The following NALF1 variants were observed in gnomAD, a reference collection of about 807,000 sequenced individuals.
NALF1 encodes the protein NALCN channel auxiliary factor 1, also known as family with sequence similarity 155 member A.
Under a neutral mutation model 48.4 loss-of-function variants are expected in NALF1, and 3 were observed. The observed-to-expected ratio is 0.06, with a 90% CI of 0.03 to 0.16. NALF1 has a LOEUF of 0.16. Ranked by LOEUF, NALF1 falls within the 10% of genes least tolerant of loss-of-function variation. The pLI, the probability that NALF1 is intolerant of heterozygous loss-of-function variation, is 1.00. For synonymous variants in NALF1, 262 were observed against 245.7 expected (o/e 1.07, Z -0.62); for missense variants, 526 against 571.5 (o/e 0.92, Z 0.81).
intron 1 of NALF1, among the ~76,000 whole-genome samples, chr13:107,589,363 T>C (rs1878543356): frequency 6.6e-6 from 1 of 152,038 alleles, no homozygotes; most frequent in Non-Finnish European, 1.5e-5. Flanking sequence ...TTTTACCAAA[T>C]GGCAATGGCA....
At chr13:107,511,583 T>C (rs1020397331) in intron 1 of NALF1, among the ~76,000 whole-genome samples, 2 of 152,196 alleles carry the variant, frequency 1.3e-5, no homozygotes, top group African/African-American at 4.8e-5. Flanking sequence ...TGAATTAACA[T>C]GCTTTCTCAT....
chr13:107,262,769 G>GCGCGCGCTCTCTCTCT (rs36027059), intron 1 of NALF1, among the ~76,000 whole-genome samples: 3,210 of 143,982 alleles, frequency 0.022, 61 homozygotes, highest in African/African-American at 0.037. Context: ...ACCCACAGGC[G>GCGCGCGCTCTCTCTCT]CTCTCTCTCT....
chr13:107,769,250 C>T (rs11618920), intron 1 of NALF1, among the ~76,000 whole-genome samples: 61,039 of 142,902 alleles, frequency 0.43, 14,324 homozygotes, highest in East Asian at 0.73. Context: ...CGTATGTTTA[C>T]TGCAGCACTC....
At chr13:107,227,902 T>C (rs1426644722) in intron 1 of NALF1, among the ~76,000 whole-genome samples, 4 of 152,230 alleles carry the variant, frequency 2.6e-5, no homozygotes, top group Non-Finnish European at 5.9e-5. Flanking sequence ...CTAACAAGAC[T>C]TTGCTAATAA....
intron 1 of NALF1, among the ~76,000 whole-genome samples, chr13:107,543,985 T>A (rs1026534713): frequency 2.6e-5 from 4 of 152,034 alleles, no homozygotes; most frequent in Admixed American, 6.6e-5. Flanking sequence ...ACCAATTTTT[T>A]AAAAAATCTA....
chr13:107,448,566 T>C (rs774602467), intron 1 of NALF1, among the ~76,000 whole-genome samples: 7 of 152,340 alleles, frequency 4.6e-5, no homozygotes, highest in Middle Eastern at 3.4e-3. Context: ...TCCAGATTAA[T>C]GGTCATATGC....
chr13:107,258,327 C>T (rs979713805), intron 1 of NALF1, among the ~76,000 whole-genome samples: 4 of 151,966 alleles, frequency 2.6e-5, no homozygotes, highest in Non-Finnish European at 5.9e-5. Flanking sequence ...GCAAAATGAA[C>T]ATCGTTTTGT....
chr13:107,817,859 T>G (rs915615202), intron 1 of NALF1, among the ~76,000 whole-genome samples: 13 of 152,184 alleles, frequency 8.5e-5, no homozygotes, highest in Non-Finnish European at 1.9e-4. Flanking sequence ...ATTTGTTTAT[T>G]TGCATCATAG....
At chr13:107,294,326 C>T (rs538942092) in intron 1 of NALF1, among the ~76,000 whole-genome samples, 73 of 152,244 alleles carry the variant, frequency 4.8e-4, no homozygotes, top group African/African-American at 1.7e-3. Context: ...AGTGTTTTCT[C>T]CCCATTCATT....
At chr13:107,642,753 G>A (rs1261413735) in intron 1 of NALF1, among the ~76,000 whole-genome samples, 1 of 152,196 alleles carries the variant, frequency 6.6e-6, no homozygotes, top group Non-Finnish European at 1.5e-5. Flanking sequence ...TACAGTCAGT[G>A]CCTAACACTT....
chr13:107,216,060 C>T (rs1205276839), intron 1 of NALF1, among the ~76,000 whole-genome samples: 1 of 152,196 alleles, frequency 6.6e-6, no homozygotes, highest in Non-Finnish European at 1.5e-5. Flanking sequence ...TAAGCAGCTG[C>T]TCTCCCTTTT....
chr13:107,167,601 T>G lies in NALF1; in HGVS notation c.*2896A>C, dbSNP rs1594050849. On this transcript the variant is annotated 3_prime_UTR_variant, in exon 3 of 3. Coordinates refer to ENST00000375915, the MANE Select transcript of NALF1 (RefSeq NM_001080396.3). ...ATAGATGAACATGACAAAGAAAATA[T>G]TCCGCCAGAATTAGAGACTATTCCA... 1 of 152,204 alleles carries G rather than the reference T, an allele frequency of 6.6e-6. No homozygotes were observed. The highest frequency in any genetic ancestry group is 2.1e-4 in the South Asian group (1 of 4,830). The allele number at this position is 152,204 out of a possible 1,614,324, so 9.4% of individuals were successfully genotyped here.
At chr13:107,367,842 G>A (rs779224522) in intron 1 of NALF1, among the ~76,000 whole-genome samples, 4 of 152,184 alleles carry the variant, frequency 2.6e-5, no homozygotes, top group Non-Finnish European at 4.4e-5. Flanking sequence ...GGGAACTCAT[G>A]CAGACTAGTT....
intron 1 of NALF1, among the ~76,000 whole-genome samples, chr13:107,598,775 G>A (rs1442626206): frequency 6.6e-6 from 1 of 152,078 alleles, no homozygotes; most frequent in African/African-American, 2.4e-5. Flanking sequence ...TTTTATAAGA[G>A]AAGTCTTAAA....
At chr13:107,783,101 C>T (rs1234258598) in intron 1 of NALF1, among the ~76,000 whole-genome samples, 2 of 134,850 alleles carry the variant, frequency 1.5e-5, no homozygotes, top group Non-Finnish European at 1.6e-5. Flanking sequence ...CCGCCTCGTC[C>T]GGGAGGTGAG....
intron 1 of NALF1, among the ~76,000 whole-genome samples, chr13:107,790,462 C>A (rs1056369089): frequency 1.3e-5 from 2 of 152,106 alleles, no homozygotes; most frequent in Admixed American, 1.3e-4. Flanking sequence ...TAATTTAAAT[C>A]TGTTCTGTAA....
At chr13:107,441,146 A>C (rs1439303019) in intron 1 of NALF1, among the ~76,000 whole-genome samples, 1 of 152,228 alleles carries the variant, frequency 6.6e-6, no homozygotes, top group African/African-American at 2.4e-5. Context: ...GACTGACTCT[A>C]TCTCTTGCCC....
Position 107,668,392 on chromosome 13 carries a change from G to A in NALF1, c.915+197290C>T, listed in dbSNP as rs367792701. ...TTTGCTCCTGTTGTCCTGCTTGTGG[G>A]TGAGTACAGGGATCCGAAGAGCTGG... On this transcript the variant is annotated intron_variant, in intron 1 of 2. Coordinates refer to ENST00000375915, the MANE Select transcript of NALF1 (RefSeq NM_001080396.3). Among the ~76,000 whole-genome samples the A allele has an allele frequency of 3.9e-5, 6 of 151,952 alleles. No homozygotes were observed. The East Asian group carries it at 1.2e-3, about 30-fold the overall frequency.
chr13:107,792,579 T>A (rs936001001), intron 1 of NALF1, among the ~76,000 whole-genome samples: 3 of 152,192 alleles, frequency 2.0e-5, no homozygotes, highest in African/African-American at 7.2e-5. Flanking sequence ...CCACATACTC[T>A]GACATTAAAT....
Sources: allele counts gnomAD v4.1 joint callset (sites outside exome capture counted in the v4.1 genomes callset), GRCh38; gene constraint gnomAD v4.1.1; transcripts MANE v1.5; gene names NCBI Gene and HGNC (gene_info 2026-07-23, HGNC 2026-07-21).